ZNF536: variants seen among roughly 807,000 people sequenced by gnomAD.
ZNF536 encodes the protein zinc finger protein 536.
ZNF536 carries 13 observed loss-of-function variants against 84.5 expected under a neutral mutation model. That is an observed-to-expected ratio of 0.15 (90% CI 0.10 to 0.24). The LOEUF (loss-of-function observed/expected upper bound fraction) is 0.24. Among genes scored for constraint, ZNF536 ranks in the 10% least tolerant of loss-of-function variants. The probability of loss-of-function intolerance (pLI) is 1.00; values close to 1 mark genes in which losing one functional copy is unlikely to be tolerated. For synonymous variants in ZNF536, 811 were observed against 742.5 expected (o/e 1.09, Z -1.50); for missense variants, 1,536 against 1,747.5 (o/e 0.88, Z 2.16).
intron 1 of ZNF536, among the ~76,000 whole-genome samples, chr19:30,234,978 G>A (rs2023377289): frequency 6.6e-6 from 1 of 152,160 alleles, no homozygotes; most frequent in African/African-American, 2.4e-5. Context: ...CTCGGGAGGT[G>A]GTATTAATTC....
In ZNF536 at chr19:30,648,014, C is replaced by T. The variant is rs556492959; in HGVS notation, c.170-62743C>T. On this transcript the variant is annotated intron_variant, in intron 1 of 1. Transcript: ENST00000592773. ...GCCTTCACTTTTCTTCTGCTCAGTG[C>T]CTCCAATTTTCCTCACACCTGAGGG... Among the ~76,000 whole-genome samples, 5 of 152,290 alleles carry T rather than the reference C, an allele frequency of 3.3e-5. No individual in the cohort carries two copies. In the South Asian group the frequency reaches 1.0e-3, roughly 32 times the overall value.
At chr19:30,313,901 C>T (rs149543990) in intron 2 of ZNF536, among the ~76,000 whole-genome samples, 11 of 152,326 alleles carry the variant, frequency 7.2e-5, no homozygotes, top group Non-Finnish European at 1.3e-4. Flanking sequence ...TCCCTCGCTC[C>T]GCACTATGCG....
intron 1 of ZNF536, among the ~76,000 whole-genome samples, chr19:30,385,552 G>T (rs913616640): frequency 2.0e-5 from 3 of 152,008 alleles, no homozygotes; most frequent in Non-Finnish European, 4.4e-5. Context: ...CTTGTCACCT[G>T]CAGGATAAAG....
rs1038173847 is a variant in ZNF536, at chr19:30,507,362, A to C, written c.2171-27485A>C. Among the ~76,000 whole-genome samples the C allele has an allele frequency of 3.9e-5, 6 of 152,266 alleles. No homozygotes were observed. The East Asian group carries it at 1.2e-3, about 29-fold the overall frequency. ...CGAGACTCCATCTCAAAAAAAAACC[A>C]AAAAACAAAAAACAAAAAACTGGGA... On this transcript the variant is annotated intron_variant, in intron 2 of 4. Coordinates refer to ENST00000355537, the MANE Select transcript of ZNF536 (RefSeq NM_014717.3).
chr19:30,667,640 T>TTTTTTTTTA (rs1555832560), intron 1 of ZNF536, among the ~76,000 whole-genome samples: 4 of 150,042 alleles, frequency 2.7e-5, no homozygotes, highest in African/African-American at 4.9e-5. Context: ...TTTTTTTTTT[T>TTTTTTTTTA]AATTAATGAG....
At chr19:30,712,934 G>GAAAAAAAAAAAAA (rs11329428) in exon 2 of ZNF536, 4 of 140,552 alleles carry the variant, frequency 2.8e-5, no homozygotes, top group Non-Finnish European at 6.2e-5. Flanking sequence ...AATAAAAAAA[G>GAAAAAAAAAAAAA]AAAAAAAAAA....
At chr19:30,686,418 C>T (rs2051183790) in intron 1 of ZNF536, among the ~76,000 whole-genome samples, 1 of 152,212 alleles carries the variant, frequency 6.6e-6, no homozygotes, top group Non-Finnish European at 1.5e-5. Context: ...GTGTCCCCCA[C>T]CCTGTGAGTG....
At chr19:30,416,193 T>C (rs1438190418) in intron 1 of ZNF536, among the ~76,000 whole-genome samples, 2 of 152,192 alleles carry the variant, frequency 1.3e-5, no homozygotes, top group Admixed American at 6.5e-5. Flanking sequence ...GATGGCTCTA[T>C]TTCCAATCAG....
At chr19:30,314,001 A>G (rs181432290) in intron 2 of ZNF536, among the ~76,000 whole-genome samples, 7 of 152,280 alleles carry the variant, frequency 4.6e-5, no homozygotes, top group Non-Finnish European at 7.4e-5. Flanking sequence ...AACTACTCCA[A>G]CGCTCCTTTG....
chr19:30,659,881 G>A (rs556434154), intron 1 of ZNF536, among the ~76,000 whole-genome samples: 5 of 151,880 alleles, frequency 3.3e-5, no homozygotes, highest in African/African-American at 1.2e-4. Flanking sequence ...CCTATAGAGT[G>A]AGCACTTGGA....
chr19:30,232,260 C>T (rs1381175923), intron 1 of ZNF536, among the ~76,000 whole-genome samples: 1 of 152,158 alleles, frequency 6.6e-6, no homozygotes, highest in African/African-American at 2.4e-5. Context: ...AGTCTCCTCT[C>T]AGCTTCTGAT....
intron 1 of ZNF536, among the ~76,000 whole-genome samples, chr19:30,594,702 C>T (rs1018395257): frequency 6.6e-6 from 1 of 152,054 alleles, no homozygotes; most frequent in African/African-American, 2.4e-5. Context: ...CTGGCTGCAG[C>T]TAGCCGGCCT....
At chr19:30,591,981 A>G (rs1875135199) in intron 1 of ZNF536, among the ~76,000 whole-genome samples, 1 of 152,186 alleles carries the variant, frequency 6.6e-6, no homozygotes, top group East Asian at 1.9e-4. Context: ...TTCATATTAA[A>G]ATTAAAGGTC....
At chr19:30,458,108 C>A (rs912600851) in intron 2 of ZNF536, among the ~76,000 whole-genome samples, 1 of 152,138 alleles carries the variant, frequency 6.6e-6, no homozygotes, top group Admixed American at 6.5e-5. Flanking sequence ...AGGCTGAGGG[C>A]GGAACGTCCC....
At chr19:30,446,031 TGAGGCCAGGGATTC>T (rs2052317072) in intron 2 of ZNF536, among the ~76,000 whole-genome samples, 1 of 151,894 alleles carries the variant, frequency 6.6e-6, no homozygotes, top group Non-Finnish European at 1.5e-5. Flanking sequence ...GTGGATCACT[TGAGGCCAGGGATTC>T]GAGGCCAGCC....
At chr19:30,408,915 A>G (rs971784548) in intron 1 of ZNF536, among the ~76,000 whole-genome samples, 2 of 150,604 alleles carry the variant, frequency 1.3e-5, no homozygotes, top group African/African-American at 4.9e-5. Context: ...TCATCTGTCT[A>G]TTCATCCATT....
chr19:30,609,331 C>T (rs1004171968), intron 1 of ZNF536, among the ~76,000 whole-genome samples: 8 of 152,182 alleles, frequency 5.3e-5, no homozygotes, highest in African/African-American at 1.7e-4. Flanking sequence ...TGTCTAGAAT[C>T]ACCTCTGGAC....
At position 30,443,884 on chromosome 19, in the gene ZNF536, G is replaced by A. The variant is rs2148158651; in HGVS notation, c.322G>A (p.Gly108Arg). ...GRVDLQQFLN[G>R]QNLGIMSQMS... ...GGTGGACTTGCAGCAGTTCCTCAAC[G>A]GGCAGAACCTGGGCATCATGTCCCA... Residue 108 changes from glycine (G) to arginine (R), a missense_variant, in exon 2 of 5, where the codon GGG (glycine) becomes AGG (arginine). Physicochemically the swap from Gly to Arg is moderately radical, Grantham distance 125 (BLOSUM62 -2). Around this residue, in one of 8 missense-constraint regions of ZNF536, gnomAD observed 161 missense variants for 178.5 expected, o/e 0.90. Coordinates refer to ENST00000355537, the MANE Select transcript of ZNF536 (RefSeq NM_014717.3). 1 of 1,613,618 alleles carries A rather than the reference G, an allele frequency of 6.2e-7. No individual in the cohort carries two copies. The highest frequency in any genetic ancestry group is 8.5e-7 in the Non-Finnish European group (1 of 1,180,010).
chr19:30,252,327 T>A (rs2024659349), intron 1 of ZNF536, among the ~76,000 whole-genome samples: 1 of 152,216 alleles, frequency 6.6e-6, no homozygotes, highest in South Asian at 2.1e-4. Flanking sequence ...TAGGGAATAC[T>A]CCCTGGAATT....
Sources: gnomAD v4.1 joint callset for allele counts (sites outside exome capture counted in the v4.1 genomes callset) on GRCh38, gnomAD v4.1.1 for gene constraint, gnomAD v4.1.1 regional missense constraint, MANE v1.5 for transcripts, NCBI Gene and HGNC (gene_info 2026-07-23, HGNC 2026-07-21) for gene names.